Variants in ADAMTSL1 observed in about 807,000 individuals in gnomAD.
ADAMTSL1 encodes the protein ADAMTS like 1.
Under a neutral mutation model 201.8 loss-of-function variants are expected in ADAMTSL1, and 126 were observed. The observed-to-expected ratio is 0.62, with a 90% confidence interval of 0.54 to 0.72. The LOEUF is 0.72. ADAMTSL1 is among the 30% of genes least tolerant of loss of function. ADAMTSL1 has a pLI of 0.00. For missense variants in ADAMTSL1, 2,679 were observed against 2,277.8 expected, an observed-to-expected ratio of 1.18 and a Z score of -3.59; for synonymous variants, 1,121 against 903.4, an observed-to-expected ratio of 1.24 and a Z score of -4.32.
chr9:18,461,170 TAGTA>T (rs1360972082), intron 2 of ADAMTSL1, among the ~76,000 whole-genome samples: 1 of 152,200 alleles, frequency 6.6e-6, no homozygotes, highest in African/African-American at 2.4e-5. Flanking sequence ...AGAAACATTT[TAGTA>T]AGTATTAGTT....
At chr9:18,593,035 A>T (rs1824027299) in intron 4 of ADAMTSL1, among the ~76,000 whole-genome samples, 1 of 152,184 alleles carries the variant, frequency 6.6e-6, no homozygotes, top group Non-Finnish European at 1.5e-5. Flanking sequence ...TTTGGCATAT[A>T]GAAATGCTGC....
intron 2 of ADAMTSL1, among the ~76,000 whole-genome samples, chr9:18,260,874 G>T (rs1831892410): frequency 6.6e-6 from 1 of 151,990 alleles, no homozygotes; most frequent in South Asian, 2.1e-4. Context: ...ATTAGTTGTG[G>T]TTTTACTTTA....
chr9:17,989,275 A>G (rs927646300), intron 1 of ADAMTSL1, among the ~76,000 whole-genome samples: 1 of 151,846 alleles, frequency 6.6e-6, no homozygotes, highest in African/African-American at 2.4e-5. Context: ...AGAATTTTAA[A>G]TAAGCAGATT....
intron 10 of ADAMTSL1, among the ~76,000 whole-genome samples, chr9:18,677,758 T>G (rs748356951): frequency 5.9e-5 from 9 of 152,082 alleles, no homozygotes; most frequent in Non-Finnish European, 1.0e-4. Context: ...ACTATGTCCT[T>G]GTATACACTC....
chr9:18,287,187 A>G (rs1274863028), intron 2 of ADAMTSL1, among the ~76,000 whole-genome samples: 4 of 152,182 alleles, frequency 2.6e-5, no homozygotes, highest in Non-Finnish European at 4.4e-5. Context: ...GAAAAAGGTG[A>G]CAAGCCACCT....
intron 2 of ADAMTSL1, among the ~76,000 whole-genome samples, chr9:18,281,867 G>A (rs1320679284): frequency 6.6e-6 from 1 of 152,106 alleles, no homozygotes; most frequent in African/African-American, 2.4e-5. Flanking sequence ...ACTGCACCTG[G>A]CCCCATTCTA....
intron 1 of ADAMTSL1, among the ~76,000 whole-genome samples, chr9:18,079,252 A>G (rs563234905): frequency 2.6e-5 from 4 of 152,262 alleles, no homozygotes; most frequent in Non-Finnish European, 4.4e-5. Context: ...AAATCTCATA[A>G]AGTAATTTAC....
At chr9:18,576,233 T>A (rs185002498) in intron 4 of ADAMTSL1, among the ~76,000 whole-genome samples, 4 of 152,244 alleles carry the variant, frequency 2.6e-5, no homozygotes, top group Non-Finnish European at 4.4e-5. Context: ...TTAGAGGCAA[T>A]CATGTAGTAA....
intron 24 of ADAMTSL1, among the ~76,000 whole-genome samples, chr9:18,889,290 G>C (rs1370161121): frequency 6.6e-6 from 1 of 152,164 alleles, no homozygotes; most frequent in East Asian, 1.9e-4. Flanking sequence ...GTCAGACACT[G>C]AGCTACTTTA....
At chr9:18,820,411 C>G (rs1366024105) in intron 21 of ADAMTSL1, among the ~76,000 whole-genome samples, 1 of 152,084 alleles carries the variant, frequency 6.6e-6, no homozygotes, top group East Asian at 1.9e-4. Context: ...TTAGAAAACA[C>G]AGAAAAATTT....
chr9:18,387,946 C>G (rs10963593), intron 2 of ADAMTSL1, among the ~76,000 whole-genome samples: 2 of 128,912 alleles, frequency 1.6e-5, no homozygotes, highest in East Asian at 3.9e-4. Flanking sequence ...TTTGAGGCTG[C>G]ATTGTTAGGT....
chr9:18,644,983 C>A (rs1222015757), intron 7 of ADAMTSL1, among the ~76,000 whole-genome samples: 5,048 of 151,422 alleles, frequency 0.033, 284 homozygotes, highest in African/African-American at 0.12. Flanking sequence ...ACAATGGTTG[C>A]ACTAGTTTAC....
At chr9:18,245,352 G>A (rs1417137226) in intron 2 of ADAMTSL1, among the ~76,000 whole-genome samples, 4 of 152,092 alleles carry the variant, frequency 2.6e-5, no homozygotes, top group Admixed American at 2.6e-4. Context: ...TTCCTATTGT[G>A]ATAGTAAATC....
At chr9:18,526,113 A>C (rs1819028779) in intron 2 of ADAMTSL1, among the ~76,000 whole-genome samples, 1 of 152,182 alleles carries the variant, frequency 6.6e-6, no homozygotes, top group South Asian at 2.1e-4. Context: ...TTGCTTTATG[A>C]ATCTGGGTGC....
intron 3 of ADAMTSL1, among the ~76,000 whole-genome samples, chr9:18,545,187 G>T (rs1453138029): frequency 1.3e-5 from 2 of 152,106 alleles, no homozygotes; most frequent in African/African-American, 4.8e-5. Flanking sequence ...ATGACCTTTT[G>T]CCCCAAACTC....
At chr9:18,345,495 C>T (rs890744388) in intron 2 of ADAMTSL1, among the ~76,000 whole-genome samples, 1 of 152,044 alleles carries the variant, frequency 6.6e-6, no homozygotes, top group African/African-American at 2.4e-5. Context: ...GCTATGTTTT[C>T]TAGGATTTGA....
chr9:18,177,928 T>C (rs1025186452), intron 2 of ADAMTSL1, among the ~76,000 whole-genome samples: 1 of 152,202 alleles, frequency 6.6e-6, no homozygotes, highest in Non-Finnish European at 1.5e-5. Flanking sequence ...CCCCCAAGTG[T>C]GCACGATGAA....
chr9:18,671,633 T>C (rs1325224230), intron 9 of ADAMTSL1, among the ~76,000 whole-genome samples: 1 of 152,122 alleles, frequency 6.6e-6, no homozygotes, highest in Non-Finnish European at 1.5e-5. Context: ...GCACATCTAG[T>C]TATCAGGAAA....
intron 2 of ADAMTSL1, among the ~76,000 whole-genome samples, chr9:18,422,860 G>A (rs777302303): frequency 2.0e-5 from 3 of 152,188 alleles, no homozygotes; most frequent in Non-Finnish European, 4.4e-5. Context: ...TGTGGATGAA[G>A]ACTTTATCAC....
Sources: allele counts gnomAD v4.1 joint callset (sites outside exome capture counted in the v4.1 genomes callset), GRCh38; gene constraint gnomAD v4.1.1; transcripts MANE v1.5; gene names NCBI Gene and HGNC (gene_info 2026-07-23, HGNC 2026-07-21).